PTBP2: variants seen among roughly 807,000 people sequenced by gnomAD.
PTBP2 encodes polypyrimidine tract binding protein 2, also known as polypyrimidine tract-binding protein 2.
In PTBP2, 13 loss-of-function variants were observed where a neutral mutation model predicts 61.4. The ratio of observed to expected loss-of-function variants is 0.21; its 90% CI spans 0.14 to 0.34. The LOEUF is 0.34. Among genes scored for constraint, PTBP2 ranks in the 10% least tolerant of loss-of-function variants. The pLI is 1.00. For missense variants in PTBP2, 405 were observed against 642.6 expected (o/e 0.63, Z 4.00); for synonymous variants, 215 against 218.5 (o/e 0.98, Z 0.14).
At chr1:96,752,378 C>T (rs1191329891) in intron 3 of PTBP2, among the ~76,000 whole-genome samples, 5 of 152,054 alleles carry the variant, frequency 3.3e-5, no homozygotes, top group Admixed American at 6.6e-5. Flanking sequence ...GACTAGAAGA[C>T]ATTTTGATTT....
At chr1:96,786,612 A>G (rs1659232162) in intron 8 of PTBP2, among the ~76,000 whole-genome samples, 1 of 152,216 alleles carries the variant, frequency 6.6e-6, no homozygotes, top group Non-Finnish European at 1.5e-5. Context: ...TTTTAGAAAG[A>G]ATCAAAATTT....
chr1:96,818,428 T>C (rs1350910461), downstream of PTBP2: 1 of 152,084 alleles, frequency 6.6e-6, no homozygotes, highest in Non-Finnish European at 1.5e-5. Flanking sequence ...TTTTGTAGCA[T>C]ATATTTGTGT....
At chr1:96,769,323 AC>A (rs1349855917) in intron 3 of PTBP2, among the ~76,000 whole-genome samples, 1 of 152,012 alleles carries the variant, frequency 6.6e-6, no homozygotes, top group East Asian at 1.9e-4. Flanking sequence ...ATCTTATGGG[AC>A]CACCATTGTA....
intron 7 of PTBP2, among the ~76,000 whole-genome samples, chr1:96,779,533 A>G (rs1242729733): frequency 6.6e-6 from 1 of 152,092 alleles, no homozygotes; most frequent in Non-Finnish European, 1.5e-5. Context: ...AATTGTGTCA[A>G]CTGTTTGACA....
At chr1:96,785,322 A>G (rs1659094742) in intron 8 of PTBP2, 68 bp downstream of exon 8, 2 of 1,254,272 alleles carry the variant, frequency 1.6e-6, no homozygotes, top group Non-Finnish European at 2.2e-6. Context: ...AGTAAGTATA[A>G]TGAATCCCCC....
chr1:96,821,027 A>G (rs774142131), exon 14 of PTBP2: 3 of 152,178 alleles, frequency 2.0e-5, no homozygotes, highest in Admixed American at 2.0e-4. Context: ...CCATTTACCA[A>G]TGGTAGCTTG....
At chr1:96,761,364 G>GTGTA (rs1395280182) in intron 3 of PTBP2, among the ~76,000 whole-genome samples, 1 of 151,402 alleles carries the variant, frequency 6.6e-6, no homozygotes, top group Non-Finnish European at 1.5e-5. Context: ...GTGTGTGTGT[G>GTGTA]TGTGTGTGTG....
chr1:96,804,279 T>A (rs1481686982), intron 8 of PTBP2, among the ~76,000 whole-genome samples: 2 of 152,228 alleles, frequency 1.3e-5, no homozygotes, highest in African/African-American at 4.8e-5. Context: ...TTTGCATGAA[T>A]TAAATAATGA....
intron 8 of PTBP2, among the ~76,000 whole-genome samples, chr1:96,791,506 A>G (rs984277235): frequency 6.6e-6 from 1 of 152,210 alleles, no homozygotes; most frequent in Non-Finnish European, 1.5e-5. Flanking sequence ...TGGTATTTTC[A>G]TGGTTTAGTA....
intron 2 of PTBP2, among the ~76,000 whole-genome samples, chr1:96,737,778 TTTGAAAA>T (rs1197323125): frequency 1.3e-5 from 2 of 152,178 alleles, no homozygotes; most frequent in Non-Finnish European, 2.9e-5. Context: ...AGTGAGGACC[TTTGAAAA>T]TTGAACCTGC....
intron 8 of PTBP2, among the ~76,000 whole-genome samples, chr1:96,792,358 T>A (rs1659940936): frequency 1.3e-5 from 2 of 152,162 alleles, no homozygotes; most frequent in African/African-American, 4.8e-5. Context: ...TTTTATAGAT[T>A]TGGAAAGTAG....
chr1:96,729,430 A>G (rs1002059451), intron 2 of PTBP2, among the ~76,000 whole-genome samples: 11 of 152,070 alleles, frequency 7.2e-5, no homozygotes, highest in Non-Finnish European at 1.5e-5. Flanking sequence ...TGTCTGTGGT[A>G]TCCAGTACAA....
intron 8 of PTBP2, among the ~76,000 whole-genome samples, chr1:96,790,393 T>G: frequency 6.6e-6 from 1 of 152,142 alleles, no homozygotes; most frequent in African/African-American, 2.4e-5. Flanking sequence ...ATTTGGGTGT[T>G]GACATTCTGA....
intron 2 of PTBP2, among the ~76,000 whole-genome samples, chr1:96,737,021 C>G (rs1293853589): frequency 4.6e-5 from 7 of 151,384 alleles, no homozygotes; most frequent in Non-Finnish European, 8.8e-5. Context: ...CCTTTGTTGC[C>G]CAGGCTGGAG....
chr1:96,744,353 A>AT (rs1002357830), intron 2 of PTBP2, among the ~76,000 whole-genome samples: 56 of 152,232 alleles, frequency 3.7e-4, no homozygotes, highest in Non-Finnish European at 6.9e-4. Flanking sequence ...TAATGTTTGA[A>AT]TTTTTTTAAC....
intron 2 of PTBP2, among the ~76,000 whole-genome samples, chr1:96,745,929 G>T (rs1433037191): frequency 4.6e-5 from 7 of 152,018 alleles, no homozygotes; most frequent in African/African-American, 1.7e-4. Flanking sequence ...AGCGGGGTAT[G>T]GTGGTGGGTG....
At chr1:96,762,372 T>G (rs1290673973) in intron 3 of PTBP2, among the ~76,000 whole-genome samples, 3 of 134,794 alleles carry the variant, frequency 2.2e-5, no homozygotes, top group Non-Finnish European at 4.8e-5. Flanking sequence ...ACCTCCCGGA[T>G]GGGGCGGCTG....
rs139128189 is a variant in PTBP2 at position 96,734,178 on chromosome 1, A to G, written c.39+10584A>G. 2.5e-3 allele frequency among the ~76,000 whole-genome samples: 386 copies of G among 152,310 alleles called. 2 individuals carry two copies. Among genetic ancestry groups the G allele is most frequent in the Non-Finnish European group, 4.3e-3 (292 of 68,006 alleles). ...ACAATAGTATCATGAACCATTGTGT[A>G]TCTATCATTCAGTCCCCAAAACCAT... On this transcript the variant is annotated intron_variant, in intron 2 of 13. Coordinates refer to ENST00000674951, the MANE Select transcript of PTBP2 (RefSeq NM_021190.4).
intron 1 of PTBP2, 145 bp downstream of exon 1, chr1:96,722,017 C>T (rs1649638819): frequency 1.9e-6 from 2 of 1,077,550 alleles, no homozygotes; most frequent in South Asian, 1.5e-5. Flanking sequence ...TCGCACACAC[C>T]CCTCCCTTTG....
Sources: gnomAD v4.1 joint callset for allele counts (sites outside exome capture counted in the v4.1 genomes callset) on GRCh38, gnomAD v4.1.1 for gene constraint, MANE v1.5 for transcripts, NCBI Gene and HGNC (gene_info 2026-07-23, HGNC 2026-07-21) for gene names.